Variants in CACNA2D1 observed in about 807,000 individuals in gnomAD.
CACNA2D1 encodes calcium voltage-gated channel auxiliary subunit alpha2delta 1.
CACNA2D1 carries 53 observed loss-of-function variants against 171.5 expected under a neutral mutation model. The observed-to-expected ratio is 0.31, with a 90% CI of 0.25 to 0.39. The LOEUF is 0.39. Among genes scored for constraint, CACNA2D1 ranks in the 10% least tolerant of loss-of-function variants. The probability of loss-of-function intolerance (pLI) is 1.00; values close to 1 mark genes in which losing one functional copy is unlikely to be tolerated. For missense variants in CACNA2D1, 903 were observed against 1,299.8 expected, an observed-to-expected ratio of 0.69 and a Z score of 4.69; for synonymous variants, 442 against 443.1, an observed-to-expected ratio of 1.00 and a Z score of 0.03.
At chr7:82,011,713 T>C (rs185360130) in intron 15 of CACNA2D1, among the ~76,000 whole-genome samples, 119 of 152,308 alleles carry the variant, frequency 7.8e-4, no homozygotes, top group African/African-American at 2.8e-3. Flanking sequence ...TCCTGAGTTT[T>C]AGCAGATCCA....
intron 38 of CACNA2D1, among the ~76,000 whole-genome samples, chr7:81,957,923 TCTAGTGTCAAAAAA>T (rs1020089974): frequency 6.6e-6 from 1 of 152,042 alleles, no homozygotes; most frequent in Non-Finnish European, 1.5e-5. Context: ...ATTTAATATT[TCTAGTGTCAAAAAA>T]CTGGTGACAA....
At chr7:82,310,760 T>C (rs1814352866) in intron 3 of CACNA2D1, among the ~76,000 whole-genome samples, 1 of 152,162 alleles carries the variant, frequency 6.6e-6, no homozygotes, top group Non-Finnish European at 1.5e-5. Flanking sequence ...GTAAAGGTTT[T>C]TGTTTTTGAA....
At chr7:82,007,830 A>G (rs1799289810) in intron 15 of CACNA2D1, 74 bp from the exon 16 acceptor site, 1 of 819,488 alleles carries the variant, frequency 1.2e-6, no homozygotes, top group Non-Finnish European at 2.2e-6. Context: ...CTAACCTTTG[A>G]TATCTGAGAT....
At chr7:82,407,342 G>C (rs1432499369) in intron 1 of CACNA2D1, among the ~76,000 whole-genome samples, 1 of 152,178 alleles carries the variant, frequency 6.6e-6, no homozygotes, top group East Asian at 1.9e-4. Context: ...AGCAAAGTAA[G>C]ATATGAGTAC....
chr7:82,300,023 A>G (rs978916091), intron 3 of CACNA2D1, among the ~76,000 whole-genome samples: 6 of 152,174 alleles, frequency 3.9e-5, no homozygotes. Context: ...AACTTGAATC[A>G]TGACCGATCT....
chr7:82,034,831 C>T lies in CACNA2D1; in HGVS notation c.1039-1930G>A, dbSNP rs75830269. 5.3e-3 allele frequency among the ~76,000 whole-genome samples: 809 copies of T among 151,970 alleles called. 10 individuals carry two copies. Among genetic ancestry groups the T allele is most frequent in the African/African-American group, 0.018 (767 of 41,464 alleles). ...GTCTTGCTGATCATTTGTATACTTA[C>T]GTAAATAAAATTATAACAACATTTC... On this transcript the variant is annotated intron_variant, in intron 11 of 38. Transcript: ENST00000356860.
chr7:82,036,481 T>C (rs1285546585), intron 11 of CACNA2D1, among the ~76,000 whole-genome samples: 1 of 152,174 alleles, frequency 6.6e-6, no homozygotes, highest in Non-Finnish European at 1.5e-5. Context: ...TAAGTTCTAA[T>C]CATTCTTCAA....
At chr7:81,974,574 A>AT (rs1265452805) in intron 24 of CACNA2D1, 22 bp from the exon 25 acceptor site, 2 of 1,220,278 alleles carry the variant, frequency 1.6e-6, no homozygotes, top group East Asian at 4.8e-5. Context: ...ACATTTTGAG[A>AT]TATTAGATAT....
chr7:82,251,792 G>C (rs1202965779), intron 3 of CACNA2D1, among the ~76,000 whole-genome samples: 2 of 152,248 alleles, frequency 1.3e-5, no homozygotes, highest in Admixed American at 1.3e-4. Context: ...GTCCATTAGT[G>C]GTTACATAGC....
At chr7:82,270,009 AGAAAG>A (rs1008243597) in intron 3 of CACNA2D1, among the ~76,000 whole-genome samples, 1 of 152,142 alleles carries the variant, frequency 6.6e-6, no homozygotes, top group Non-Finnish European at 1.5e-5. Context: ...AGAGAATACA[AGAAAG>A]ACTCCAATGC....
chr7:82,041,725 G>C (rs1803987086), intron 10 of CACNA2D1, among the ~76,000 whole-genome samples: 2 of 152,038 alleles, frequency 1.3e-5, no homozygotes, highest in Non-Finnish European at 2.9e-5. Context: ...TTTGGTTATT[G>C]GATGCAAGCT....
At chr7:82,199,835 C>T (rs1038493058) in intron 3 of CACNA2D1, among the ~76,000 whole-genome samples, 4 of 151,928 alleles carry the variant, frequency 2.6e-5, no homozygotes, top group African/African-American at 4.8e-5. Flanking sequence ...TACATCATTA[C>T]GAGAATGGAT....
At chr7:82,143,028 T>C (rs1444884840) in intron 4 of CACNA2D1, among the ~76,000 whole-genome samples, 3 of 152,112 alleles carry the variant, frequency 2.0e-5, no homozygotes, top group Admixed American at 2.0e-4. Context: ...CATGTATGTG[T>C]GTGTATGGCT....
chr7:81,969,413 C>A (rs905115630), intron 28 of CACNA2D1, among the ~76,000 whole-genome samples: 1 of 151,244 alleles, frequency 6.6e-6, no homozygotes, highest in Non-Finnish European at 1.5e-5. Flanking sequence ...AAGGTAAATA[C>A]TACCTATGTG....
intron 1 of CACNA2D1, among the ~76,000 whole-genome samples, chr7:82,393,667 G>A (rs974805948): frequency 1.3e-5 from 2 of 152,102 alleles, no homozygotes; most frequent in Non-Finnish European, 2.9e-5. Flanking sequence ...GCTCTCGGGT[G>A]TGGCTACTAA....
At chr7:82,338,025 T>C (rs1301876928) in intron 2 of CACNA2D1, among the ~76,000 whole-genome samples, 2 of 152,190 alleles carry the variant, frequency 1.3e-5, no homozygotes, top group Non-Finnish European at 2.9e-5. Flanking sequence ...ATAATCTATG[T>C]TCTAAATATC....
At chr7:82,023,727 G>A (rs750633032) in intron 12 of CACNA2D1, 17 of 151,474 alleles carry the variant, frequency 1.1e-4, no homozygotes, top group Admixed American at 2.6e-4. Flanking sequence ...AATGTATTAC[G>A]GCTGATTCTA....
intron 38 of CACNA2D1, among the ~76,000 whole-genome samples, chr7:81,951,288 T>C (rs1195814799): frequency 6.6e-6 from 1 of 152,134 alleles, no homozygotes; most frequent in East Asian, 1.9e-4. Context: ...TTTGATAACA[T>C]TGTCCACATC....
chr7:82,058,371 T>C (rs74334053), intron 10 of CACNA2D1, among the ~76,000 whole-genome samples: 4,290 of 152,274 alleles, frequency 0.028, 213 homozygotes, highest in African/African-American at 0.096. Context: ...AAATTTCACC[T>C]AGATGTCAAA....
Sources: gnomAD v4.1 joint callset for allele counts (sites outside exome capture counted in the v4.1 genomes callset) on GRCh38, gnomAD v4.1.1 for gene constraint, MANE v1.5 for transcripts, NCBI Gene and HGNC (gene_info 2026-07-23, HGNC 2026-07-21) for gene names.